Variants in CTIF observed in about 807,000 individuals in gnomAD.
CTIF encodes the protein cap binding complex dependent translation initiation factor.
Under a neutral mutation model 66.0 loss-of-function variants are expected in CTIF, and 21 were observed. That is an observed-to-expected ratio of 0.32 (90% CI 0.23 to 0.46). The LOEUF (loss-of-function observed/expected upper bound fraction) is 0.46, where lower values mean the gene tolerates loss of function less well. Ranked by LOEUF, CTIF falls within the 20% of genes least tolerant of loss-of-function variation. The pLI, the probability that CTIF is intolerant of heterozygous loss-of-function variation, is 1.00. For synonymous variants in CTIF, 345 were observed against 326.4 expected (o/e 1.06, Z -0.62); for missense variants, 739 against 812.7 (o/e 0.91, Z 1.10).
intron 7 of CTIF, among the ~76,000 whole-genome samples, chr18:48,731,412 C>T (rs2092456029): frequency 1.3e-5 from 2 of 152,162 alleles, no homozygotes; most frequent in Admixed American, 6.5e-5. Flanking sequence ...TGGAGAGGTC[C>T]CCATTTCCTA....
At chr18:48,597,765 A>G (rs1201239430) in intron 1 of CTIF, among the ~76,000 whole-genome samples, 1 of 152,196 alleles carries the variant, frequency 6.6e-6, no homozygotes, top group Admixed American at 6.5e-5. Flanking sequence ...CTTTATAGCA[A>G]TGTGAGAATG....
At chr18:48,584,685 TCTGA>T (rs1003952557) in intron 1 of CTIF, among the ~76,000 whole-genome samples, 3 of 152,196 alleles carry the variant, frequency 2.0e-5, no homozygotes, top group Non-Finnish European at 4.4e-5. Context: ...GCAGGCCTCC[TCTGA>T]CTGTCTGCCC....
At position 48,548,790 on chromosome 18, in the gene CTIF, C is replaced by G. The variant is rs1411522620; in HGVS notation, c.-29+9478C>G. 2.0e-5 allele frequency among the ~76,000 whole-genome samples: 3 copies of G among 152,236 alleles called. No individual in the cohort carries two copies. The South Asian group carries it at 6.2e-4, about 32-fold the overall frequency. ...TTAACCTTTGCCTCAGTTTAGTGGA[C>G]ACACATGGTATCTGCAGTGGGTCTG... On this transcript the variant is annotated intron_variant, in intron 1 of 11. Coordinates refer to ENST00000256413, the MANE Select transcript of CTIF (RefSeq NM_014772.3).
In CTIF at chr18:48,840,245, G is replaced by A. The variant is rs191470463; in HGVS notation, c.1528-17343G>A. Among the ~76,000 whole-genome samples, 195 of 152,320 alleles carry A rather than the reference G, an allele frequency of 1.3e-3. 2 individuals carry two copies. The highest frequency in any genetic ancestry group is 0.012 in the Admixed American group (177 of 15,302). On this transcript the variant is annotated intron_variant, in intron 10 of 11. Transcript: ENST00000256413. ...TGCATCCTTAGACCTGTGAACAGACGAGTTTGGGTGGATTGGAGGTCTGTG... is the reference window on the plus strand; with the variant it reads ...TGCATCCTTAGACCTGTGAACAGACAAGTTTGGGTGGATTGGAGGTCTGTG...
At chr18:48,659,140 G>A (rs1321203183) in intron 3 of CTIF, among the ~76,000 whole-genome samples, 3 of 152,064 alleles carry the variant, frequency 2.0e-5, no homozygotes, top group Non-Finnish European at 2.9e-5. Context: ...TGCCTGTCTT[G>A]TGCCATTGAA....
intron 7 of CTIF, among the ~76,000 whole-genome samples, chr18:48,714,603 T>C (rs896824130): frequency 6.6e-6 from 1 of 152,236 alleles, no homozygotes; most frequent in Non-Finnish European, 1.5e-5. Flanking sequence ...CCTAAAGTCC[T>C]AGGCTTCATC....
chr18:48,693,193 AG>A (rs2091957477), intron 6 of CTIF, among the ~76,000 whole-genome samples: 1 of 152,188 alleles, frequency 6.6e-6, no homozygotes, highest in African/African-American at 2.4e-5. Context: ...TGCCAGCATC[AG>A]CGGAGGGTGG....
intron 3 of CTIF, among the ~76,000 whole-genome samples, chr18:48,647,763 C>T (rs142747890): frequency 0.012 from 1,771 of 152,310 alleles, 13 homozygotes; most frequent in South Asian, 0.02. Context: ...CTCCCCCACC[C>T]GCCCACCTCA....
intron 7 of CTIF, among the ~76,000 whole-genome samples, chr18:48,732,187 C>A (rs766026621): frequency 2.6e-5 from 4 of 152,216 alleles, no homozygotes; most frequent in Non-Finnish European, 4.4e-5. Flanking sequence ...AAGCAGGACT[C>A]CCATTCCCTG....
chr18:48,637,355 A>G (rs1397053186), intron 3 of CTIF, among the ~76,000 whole-genome samples: 3 of 152,108 alleles, frequency 2.0e-5, no homozygotes, highest in African/African-American at 4.8e-5. Context: ...ACCAAACCCT[A>G]TGGTGGTCCA....
intron 7 of CTIF, among the ~76,000 whole-genome samples, chr18:48,748,400 T>C (rs1436291043): frequency 6.6e-6 from 1 of 151,990 alleles, no homozygotes; most frequent in African/African-American, 2.4e-5. Flanking sequence ...TGGTGCTAAA[T>C]TGAGTATCAC....
intron 4 of CTIF, 58 bp from the exon 5 acceptor site, chr18:48,664,385 TTCCG>T (rs1252270396): frequency 7.0e-6 from 10 of 1,432,738 alleles, no homozygotes; most frequent in Middle Eastern, 3.5e-4. Flanking sequence ...GGCCCCCTGG[TTCCG>T]TCAGTAACTG....
intron 2 of CTIF, among the ~76,000 whole-genome samples, chr18:48,631,101 T>A (rs1327453439): frequency 6.6e-6 from 1 of 152,194 alleles, no homozygotes; most frequent in Non-Finnish European, 1.5e-5. Context: ...ACTCTGAGCT[T>A]CTTGCTTCTC....
Position 48,670,749 on chromosome 18 carries a change from G to A in CTIF, c.507+5G>A. 1 of 1,613,532 alleles carries A rather than the reference G, an allele frequency of 6.2e-7. No individual in the cohort carries two copies. On this transcript the variant is annotated splice_donor_5th_base_variant and intron_variant, in intron 6 of 11. Transcript: ENST00000256413. ...AAGGTCCTTCCAGCCTGGCAGGTAG[G>A]TGCAGGGGCAGGCTCTCTAACAGCC...
intron 9 of CTIF, among the ~76,000 whole-genome samples, chr18:48,766,777 G>A (rs1485908763): frequency 8.1e-6 from 1 of 122,780 alleles, no homozygotes; most frequent in East Asian, 3.6e-4. Context: ...CCATTACACA[G>A]GAGGCCTCAG....
At chr18:48,555,952 G>A (rs186819110) in intron 1 of CTIF, among the ~76,000 whole-genome samples, 1 of 152,346 alleles carries the variant, frequency 6.6e-6, no homozygotes, top group Admixed American at 6.5e-5. Flanking sequence ...GCTGGCTGAT[G>A]GGAAATGTGT....
At chr18:48,645,210 G>A (rs915526582) in intron 3 of CTIF, among the ~76,000 whole-genome samples, 10 of 130,028 alleles carry the variant, frequency 7.7e-5, no homozygotes, top group South Asian at 2.5e-4. Context: ...ACGACACAGC[G>A]AGGAGCTTGT....
At position 48,743,340 on chromosome 18, in the gene CTIF, C is replaced by T. The variant is rs529933494; in HGVS notation, c.585-14579C>T. On this transcript the variant is annotated intron_variant, in intron 7 of 11. Coordinates refer to ENST00000256413, the MANE Select transcript of CTIF (RefSeq NM_014772.3). ...GCACTTCCTAAAAACTCTCGGGTCT[C>T]AGCATTTAGAAACAAAGCAAGAATA... 2.0e-5 allele frequency among the ~76,000 whole-genome samples: 3 copies of T among 152,308 alleles called. No homozygotes were observed. The South Asian group carries it at 6.2e-4, about 32-fold the overall frequency.
In CTIF at chr18:48,812,113, C is replaced by T. The variant is rs975572186; in HGVS notation, c.1372-5108C>T. 5.9e-5 allele frequency among the ~76,000 whole-genome samples: 9 copies of T among 152,236 alleles called. No homozygotes were observed. The East Asian group carries it at 1.7e-3, about 29-fold the overall frequency. On this transcript the variant is annotated intron_variant, in intron 9 of 11. Transcript: ENST00000256413. Reference sequence around the variant, plus strand: ...GAGTAGCTTGGATTACAGGCACCCACCACCACACCTGGCTAATTTTTTATA... The same window carrying T: ...GAGTAGCTTGGATTACAGGCACCCATCACCACACCTGGCTAATTTTTTATA...
Sources: allele counts gnomAD v4.1 joint callset (sites outside exome capture counted in the v4.1 genomes callset), GRCh38; gene constraint gnomAD v4.1.1; transcripts MANE v1.5; gene names NCBI Gene and HGNC (gene_info 2026-07-23, HGNC 2026-07-21).